The following COLEC11 variants were observed in gnomAD, a reference collection of about 807,000 sequenced individuals.
COLEC11 encodes collectin-11.
Under a neutral mutation model 27.3 loss-of-function variants are expected in COLEC11, and 20 were observed. The ratio of observed to expected loss-of-function variants is 0.73; its 90% CI spans 0.51 to 1.06. COLEC11 has a LOEUF of 1.06. Among genes scored for constraint, COLEC11 ranks in the 50% least tolerant of loss-of-function variants. The pLI is 0.00. For synonymous variants in COLEC11, 163 were observed against 154.7 expected, an observed-to-expected ratio of 1.05 and a Z score of -0.40; for missense variants, 310 against 383.0, an observed-to-expected ratio of 0.81 and a Z score of 1.59.
intron 2 of COLEC11, among the ~76,000 whole-genome samples, chr2:3,604,828 T>G (rs966750583): frequency 2.0e-5 from 3 of 152,070 alleles, no homozygotes; most frequent in Admixed American, 6.5e-5. Context: ...AATTTGAGGG[T>G]CAGAGAAAAT....
At chr2:3,641,206 C>T (rs1277922399) in intron 5 of COLEC11, 1 of 1,301,810 alleles carries the variant, frequency 7.7e-7, no homozygotes, top group South Asian at 1.2e-5. Flanking sequence ...AAGAGAGGGG[C>T]TGGATTTCTG....
chr2:3,596,629 G>T (rs1661858369), intron 1 of COLEC11, among the ~76,000 whole-genome samples: 1 of 152,126 alleles, frequency 6.6e-6, no homozygotes, highest in Non-Finnish European at 1.5e-5. Context: ...GAGCCACTGG[G>T]CCTGGCCCCA....
chr2:3,623,647 G>A (rs1664328179), intron 3 of COLEC11, among the ~76,000 whole-genome samples: 1 of 150,864 alleles, frequency 6.6e-6, no homozygotes, highest in South Asian at 2.1e-4. Flanking sequence ...TTTCTGTTTG[G>A]TTCTTTTTTT....
intron 3 of COLEC11, among the ~76,000 whole-genome samples, chr2:3,629,957 A>G (rs963312038): frequency 2.0e-5 from 3 of 152,210 alleles, no homozygotes; most frequent in Non-Finnish European, 4.4e-5. Context: ...GTGCAGTTAC[A>G]TGCTATGTGT....
At chr2:3,609,674 C>T (rs1663038660) in intron 2 of COLEC11, among the ~76,000 whole-genome samples, 1 of 152,066 alleles carries the variant, frequency 6.6e-6, no homozygotes, top group South Asian at 2.1e-4. Context: ...AGATTATAGG[C>T]ACCCGCTACC....
chr2:3,616,332 A>G (rs1404773128), intron 3 of COLEC11, among the ~76,000 whole-genome samples: 1 of 150,020 alleles, frequency 6.7e-6, no homozygotes, highest in Non-Finnish European at 1.5e-5. Flanking sequence ...CCAGGCAGAG[A>G]CACTCCTCAC....
chr2:3,635,256 G>T (rs536376696), intron 3 of COLEC11, among the ~76,000 whole-genome samples: 1 of 151,914 alleles, frequency 6.6e-6, no homozygotes, highest in Non-Finnish European at 1.5e-5. Context: ...ATCCCATCAC[G>T]CACGAGGTTC....
chr2:3,608,091 T>C (rs1163959807), intron 2 of COLEC11, among the ~76,000 whole-genome samples: 3 of 152,244 alleles, frequency 2.0e-5, no homozygotes, highest in Non-Finnish European at 4.4e-5. Context: ...CGAAGTATCT[T>C]AGGTTCTCAA....
chr2:3,601,641 TGA>T (rs1309274915), intron 1 of COLEC11, among the ~76,000 whole-genome samples: 4 of 152,196 alleles, frequency 2.6e-5, no homozygotes, highest in Non-Finnish European at 5.9e-5. Context: ...ACATCCGGGA[TGA>T]GAGACGGCTT....
In COLEC11 at chr2:3,602,511, C is replaced by T. The variant is rs542234254; in HGVS notation, c.-26-1804C>T. Among the ~76,000 whole-genome samples the T allele has an allele frequency of 2.4e-4, 37 of 152,276 alleles. No individual in the cohort carries two copies. Among genetic ancestry groups the T allele is most frequent in the Non-Finnish European group, 4.3e-4 (29 of 68,022 alleles). On this transcript the variant is annotated intron_variant, in intron 1 of 6. Transcript: ENST00000349077. The surrounding 1 kb of genome is among the most constrained non-coding windows in gnomAD (Gnocchi z 6.2). The stretch of plus-strand genomic sequence containing the variant: ...CTTTGCTTCCAGACTGCATCCCATA[C>T]CTCTGTCATCACCTCCACCCACACG...
intron 3 of COLEC11, among the ~76,000 whole-genome samples, chr2:3,627,870 C>T (rs1664677795): frequency 6.6e-6 from 1 of 152,228 alleles, no homozygotes. Context: ...CAGCACCTGT[C>T]CCAGTGCTTC....
At chr2:3,632,037 G>A (rs1341936103) in intron 3 of COLEC11, among the ~76,000 whole-genome samples, 3 of 152,196 alleles carry the variant, frequency 2.0e-5, no homozygotes, top group African/African-American at 7.2e-5. Context: ...GCCTTGGTCT[G>A]AGTGAAATCC....
At chr2:3,635,629 T>G (rs1457932828) in intron 3 of COLEC11, among the ~76,000 whole-genome samples, 1 of 152,222 alleles carries the variant, frequency 6.6e-6, no homozygotes, top group African/African-American at 2.4e-5. Flanking sequence ...CCCTGAGCTC[T>G]GATCCCTGCA....
Position 3,598,038 on chromosome 2 carries a change from C to T in COLEC11, c.-27+2870C>T, listed in dbSNP as rs540356560. Among the ~76,000 whole-genome samples, 137 of 152,196 alleles carry T rather than the reference C, an allele frequency of 9.0e-4. 1 individual carries two copies. Among genetic ancestry groups the T allele is most frequent in the Admixed American group, 2.5e-3 (38 of 15,290 alleles). Reference sequence around the variant, plus strand: ...GCAACCTCCACCTCCCGGGTTCAAGCGATTCTCCTGCCTCAGCCTCCCGAG... The same window carrying T: ...GCAACCTCCACCTCCCGGGTTCAAGTGATTCTCCTGCCTCAGCCTCCCGAG... On this transcript the variant is annotated intron_variant, in intron 1 of 6. Transcript: ENST00000349077.
At chr2:3,607,679 C>T (rs983525457) in intron 2 of COLEC11, among the ~76,000 whole-genome samples, 1 of 152,120 alleles carries the variant, frequency 6.6e-6, no homozygotes, top group Non-Finnish European at 1.5e-5. Context: ...GAACTCCTGA[C>T]CTCACGTAAT....
rs1662297654 is a variant in COLEC11, at chr2:3,602,410, G to C, written c.-26-1905G>C. ...AGCAGCTGGCTGCACTGTTCACCTG[G>C]CTGCTCAGAACAAAAGCTTTAATCT... On this transcript the variant is annotated intron_variant, in intron 1 of 6. Coordinates refer to ENST00000349077, the MANE Select transcript of COLEC11 (RefSeq NM_024027.5). This position sits in a 1 kb window ranked among gnomAD's most constrained non-coding sequence, Gnocchi z 6.2. 6.6e-6 allele frequency among the ~76,000 whole-genome samples: 1 copy of C among 152,158 alleles called. No homozygotes were observed. Among genetic ancestry groups the C allele is most frequent in the African/African-American group, 2.4e-5 (1 of 41,414 alleles).
At chr2:3,643,194 C>T (rs960916149) in intron 5 of COLEC11, among the ~76,000 whole-genome samples, 4 of 152,194 alleles carry the variant, frequency 2.6e-5, no homozygotes, top group Non-Finnish European at 4.4e-5. Context: ...CACCCCTGCA[C>T]CTCCATTTCT....
At chr2:3,639,427 G>A (rs1572474759) in intron 4 of COLEC11, among the ~76,000 whole-genome samples, 1 of 152,288 alleles carries the variant, frequency 6.6e-6, no homozygotes, top group East Asian at 1.9e-4. Flanking sequence ...TGGTCAAGCT[G>A]TGCTTTCATT....
chr2:3,601,181 A>T (rs2147846705), intron 1 of COLEC11, among the ~76,000 whole-genome samples: 1 of 152,274 alleles, frequency 6.6e-6, no homozygotes, highest in South Asian at 2.1e-4. Context: ...GTGGCAGTGG[A>T]GCCGGGATTT....
Sources: allele counts gnomAD v4.1 joint callset (sites outside exome capture counted in the v4.1 genomes callset), GRCh38; gene constraint gnomAD v4.1.1; non-coding constraint Gnocchi (gnomAD v3.1); transcripts MANE v1.5; gene names NCBI Gene and HGNC (gene_info 2026-07-23, HGNC 2026-07-21).